The following TRAF3 variants were observed in gnomAD, a reference collection of about 807,000 sequenced individuals.
TRAF3 encodes the protein TNF receptor-associated factor 3.
TRAF3 carries 13 observed loss-of-function variants against 62.3 expected under a neutral mutation model. The observed-to-expected ratio is 0.21, with a 90% confidence interval of 0.14 to 0.33. The LOEUF is 0.33. Among genes scored for constraint, TRAF3 ranks in the 10% least tolerant of loss-of-function variants. The probability of loss-of-function intolerance (pLI) is 1.00; values close to 1 mark genes in which losing one functional copy is unlikely to be tolerated. For missense variants in TRAF3, 440 were observed against 741.8 expected (o/e 0.59, Z 4.73); for synonymous variants, 269 against 283.4 (o/e 0.95, Z 0.51).
chr14:102,835,365 A>G (rs925544102), intron 2 of TRAF3, among the ~76,000 whole-genome samples: 1 of 151,848 alleles, frequency 6.6e-6, no homozygotes, highest in African/African-American at 2.4e-5. Flanking sequence ...TAAAAATAGA[A>G]CTACCATTTG....
intron 2 of TRAF3, among the ~76,000 whole-genome samples, chr14:102,863,889 A>G (rs1416136543): frequency 2.0e-5 from 3 of 152,086 alleles, no homozygotes; most frequent in Admixed American, 2.0e-4. Context: ...GTCGAAACAA[A>G]CAACTGCAGT....
intron 6 of TRAF3, among the ~76,000 whole-genome samples, chr14:102,882,347 G>A (rs751978917): frequency 1.1e-4 from 17 of 152,310 alleles, no homozygotes; most frequent in Middle Eastern, 6.8e-3. Flanking sequence ...TGACAGTAGA[G>A]TGCATTTTAA....
rs896512535 is a variant in TRAF3, at chr14:102,905,920, G to A, written c.*136G>A. On this transcript the variant is annotated 3_prime_UTR_variant, in exon 12 of 12. Transcript: ENST00000392745. ...AAGCGGCAGAAGGCGGACGCGTGCCGGCGGGAGGAGCCACGCGTGAGCACA... is the reference window on the plus strand; with the variant it reads ...AAGCGGCAGAAGGCGGACGCGTGCCAGCGGGAGGAGCCACGCGTGAGCACA... 1.7e-5 allele frequency: 13 copies of A among 753,338 alleles called. No individual in the cohort carries two copies. The highest frequency in any genetic ancestry group is 5.7e-5 in the Admixed American group (2 of 35,040). 46.7% of individuals were successfully genotyped at this position (753,338 alleles called of 1,614,324 possible). A position where few individuals can be genotyped will look rare whatever the true frequency, so the allele number is the denominator to read the frequency against.
In TRAF3 at chr14:102,903,578, C is replaced by T; in HGVS notation, c.1135+149C>T. ...TGGGTAACACGCAGAGGTGTGATGA[C>T]TTTCCTACTGAAAGTCCCCCAGCAA... On this transcript the variant is annotated intron_variant, in intron 11 of 11. Transcript: ENST00000392745. This position sits in a 1 kb window ranked among gnomAD's most constrained non-coding sequence, Gnocchi z 6.4. The T allele has an allele frequency of 8.5e-7, 1 of 1,176,068 alleles. No homozygotes were observed. Among genetic ancestry groups the T allele is most frequent in the Non-Finnish European group, 1.2e-6 (1 of 816,834 alleles). 72.9% of individuals were successfully genotyped at this position (1,176,068 alleles called of 1,614,324 possible).
intron 2 of TRAF3, among the ~76,000 whole-genome samples, chr14:102,832,642 G>A (rs886547399): frequency 1.3e-5 from 2 of 152,094 alleles, no homozygotes; most frequent in Admixed American, 1.3e-4. Context: ...TTGCATTCCA[G>A]CCTGGGCAAT....
At chr14:102,814,692 G>A (rs1317297609) in intron 1 of TRAF3, among the ~76,000 whole-genome samples, 1 of 151,782 alleles carries the variant, frequency 6.6e-6, no homozygotes, top group East Asian at 1.9e-4. Flanking sequence ...CTAATTTTTT[G>A]TACTTTTTTT....
chr14:102,820,612 ATATTTTTTTTTTTTT>A (rs1899909480), intron 1 of TRAF3, among the ~76,000 whole-genome samples: 1 of 12,618 alleles, frequency 7.9e-5, no homozygotes, highest in African/African-American at 8.9e-4. Flanking sequence ...ATATATATAT[ATATTTTTTTTTTTTT>A]TTTTTTTTTT....
At chr14:102,796,177 T>C (rs1337139558) in intron 1 of TRAF3, among the ~76,000 whole-genome samples, 1 of 152,092 alleles carries the variant, frequency 6.6e-6, no homozygotes, top group Non-Finnish European at 1.5e-5. Context: ...AGTTGCACCA[T>C]TGCATTCCCA....
At position 102,883,201 on chromosome 14, in the gene TRAF3, T is replaced by C. The variant is rs115743874; in HGVS notation, c.571-2988T>C. ...CGGAGCACCCATCAGCAGGTGGAAA[T>C]TATATTACAGTGTTGTTATACGACA... On this transcript the variant is annotated intron_variant, in intron 6 of 11. Transcript: ENST00000392745. Among the ~76,000 whole-genome samples the C allele has an allele frequency of 4.0e-3, 606 of 152,256 alleles. 7 individuals carry two copies. Among genetic ancestry groups the C allele is most frequent in the African/African-American group, 0.014 (564 of 41,532 alleles).
chr14:102,847,774 T>G (rs1254038710), intron 2 of TRAF3, among the ~76,000 whole-genome samples: 1 of 152,248 alleles, frequency 6.6e-6, no homozygotes, highest in African/African-American at 2.4e-5. Flanking sequence ...CTGAACATAT[T>G]CATTTTTGGC....
At chr14:102,872,052 G>A in intron 4 of TRAF3, 84 bp downstream of exon 4, 1 of 1,409,490 alleles carries the variant, frequency 7.1e-7, no homozygotes, top group Non-Finnish European at 1.0e-6. Context: ...CGGCACTCTG[G>A]CACAACACAT....
At chr14:102,806,360 A>G (rs1235761588) in intron 1 of TRAF3, among the ~76,000 whole-genome samples, 1 of 152,204 alleles carries the variant, frequency 6.6e-6, no homozygotes, top group African/African-American at 2.4e-5. Context: ...CTTGGAGGCT[A>G]GAGTGCCCAG....
At chr14:102,838,327 A>G (rs1265012888) in intron 2 of TRAF3, among the ~76,000 whole-genome samples, 2 of 152,214 alleles carry the variant, frequency 1.3e-5, no homozygotes, top group Non-Finnish European at 2.9e-5. Flanking sequence ...GAGAGAGAGA[A>G]GGAAGCAAGG....
intron 2 of TRAF3, among the ~76,000 whole-genome samples, chr14:102,862,691 C>CT (rs890679549): frequency 2.6e-5 from 4 of 151,884 alleles, no homozygotes; most frequent in African/African-American, 9.7e-5. Context: ...TTTCTTCAAA[C>CT]TTTTTTTTGT....
chr14:102,796,583 C>T (rs910864323), intron 1 of TRAF3, among the ~76,000 whole-genome samples: 4 of 152,200 alleles, frequency 2.6e-5, no homozygotes, highest in Admixed American at 1.3e-4. Context: ...GCTTTGTTCA[C>T]GCAATTCTTC....
intron 2 of TRAF3, among the ~76,000 whole-genome samples, chr14:102,835,834 T>A (rs1408319972): frequency 6.6e-6 from 1 of 152,136 alleles, no homozygotes; most frequent in Non-Finnish European, 1.5e-5. Flanking sequence ...TACAAAGTAA[T>A]CTGTACATCA....
chr14:102,836,868 C>A (rs772352740), intron 2 of TRAF3, among the ~76,000 whole-genome samples: 1 of 152,012 alleles, frequency 6.6e-6, no homozygotes, highest in Non-Finnish European at 1.5e-5. Context: ...GTGAGTAAGA[C>A]GTCAGGGAAA....
chr14:102,817,512 G>A (rs1458612748), intron 1 of TRAF3, among the ~76,000 whole-genome samples: 4 of 152,088 alleles, frequency 2.6e-5, no homozygotes, highest in Admixed American at 2.6e-4. Flanking sequence ...CAGAGTAGAG[G>A]GTGGACCTTG....
chr14:102,806,948 G>C (rs1455651537), intron 1 of TRAF3, among the ~76,000 whole-genome samples: 1 of 152,168 alleles, frequency 6.6e-6, no homozygotes, highest in Non-Finnish European at 1.5e-5. Context: ...CCCCCATCCA[G>C]ATGCTAGAAG....
Sources: allele counts gnomAD v4.1 joint callset (sites outside exome capture counted in the v4.1 genomes callset), GRCh38; gene constraint gnomAD v4.1.1; non-coding constraint Gnocchi (gnomAD v3.1); transcripts MANE v1.5; gene names NCBI Gene and HGNC (gene_info 2026-07-23, HGNC 2026-07-21).